Variants in DAB1 observed in about 807,000 individuals in gnomAD.
DAB1 encodes the protein DAB adaptor protein 1.
Under a neutral mutation model 64.6 loss-of-function variants are expected in DAB1, and 15 were observed. That is an observed-to-expected ratio of 0.23 (90% CI 0.16 to 0.36). The LOEUF (loss-of-function observed/expected upper bound fraction) is 0.36, where lower values mean the gene tolerates loss of function less well. DAB1 is among the 10% of genes least tolerant of loss of function. The pLI is 1.00. For missense variants in DAB1, 596 were observed against 706.7 expected, an observed-to-expected ratio of 0.84 and a Z score of 1.78; for synonymous variants, 235 against 251.9, an observed-to-expected ratio of 0.93 and a Z score of 0.64.
intron 3 of DAB1, among the ~76,000 whole-genome samples, chr1:58,427,249 G>A (rs1336199679): frequency 6.6e-6 from 1 of 152,032 alleles, no homozygotes; most frequent in Non-Finnish European, 1.5e-5. Context: ...GAAAGGTGGG[G>A]TACCTAAGAC....
At chr1:58,397,635 G>C (rs1644534253) in intron 3 of DAB1, among the ~76,000 whole-genome samples, 1 of 152,202 alleles carries the variant, frequency 6.6e-6, no homozygotes. Context: ...CATAGACACA[G>C]CTTGACTCAT....
intron 3 of DAB1, among the ~76,000 whole-genome samples, chr1:58,473,435 G>A (rs1011455216): frequency 6.6e-6 from 1 of 151,854 alleles, no homozygotes; most frequent in African/African-American, 2.4e-5. Context: ...CCAGCTACTC[G>A]GGAGGCTGAG....
At chr1:57,464,965 A>G (rs1686907702) in intron 7 of DAB1, among the ~76,000 whole-genome samples, 1 of 152,100 alleles carries the variant, frequency 6.6e-6, no homozygotes, top group African/African-American at 2.4e-5. Flanking sequence ...TCCTTTTTCA[A>G]AGCTCAGTTT....
intron 7 of DAB1, among the ~76,000 whole-genome samples, chr1:57,598,600 GA>G (rs1336480670): frequency 2.6e-5 from 4 of 152,188 alleles, no homozygotes; most frequent in African/African-American, 9.6e-5. Context: ...ATACAGAAAG[GA>G]AAAGACACCC....
chr1:57,822,133 A>G (rs1652149173), downstream of DAB1, among the ~76,000 whole-genome samples: 1 of 152,258 alleles, frequency 6.6e-6, no homozygotes, highest in African/African-American at 2.4e-5. Context: ...AATGTACACA[A>G]AACATATCAT....
chr1:57,184,577 C>G (rs1396378994), intron 2 of DAB1, among the ~76,000 whole-genome samples: 1 of 152,162 alleles, frequency 6.6e-6, no homozygotes, highest in African/African-American at 2.4e-5. Context: ...AAAATAAGAA[C>G]TGCTGGGCCA....
At chr1:57,397,909 C>T (rs1057170388) in intron 1 of DAB1, among the ~76,000 whole-genome samples, 32 of 152,182 alleles carry the variant, frequency 2.1e-4, no homozygotes, top group African/African-American at 7.5e-4. Context: ...TTAAATTTTA[C>T]CCTGTTTAAC....
intron 4 of DAB1, among the ~76,000 whole-genome samples, chr1:58,288,041 A>AAAAAAAAAAAAAAAAG (rs1557723010): frequency 6.9e-6 from 1 of 145,832 alleles, no homozygotes; most frequent in Non-Finnish European, 1.5e-5. Context: ...AAAAAAAAAA[A>AAAAAAAAAAAAAAAAG]AAAAGAAAAA....
chr1:57,487,852 G>T (rs534522753), intron 7 of DAB1, among the ~76,000 whole-genome samples: 1 of 152,106 alleles, frequency 6.6e-6, no homozygotes, highest in Non-Finnish European at 1.5e-5. Context: ...ACTTTTTAAC[G>T]CTGACTAATA....
At chr1:57,638,444 G>C (rs973960882) in intron 7 of DAB1, among the ~76,000 whole-genome samples, 3 of 152,158 alleles carry the variant, frequency 2.0e-5, no homozygotes, top group Non-Finnish European at 2.9e-5. Flanking sequence ...GCAATGGTGT[G>C]CAAGTCCCTG....
intron 6 of DAB1, among the ~76,000 whole-genome samples, chr1:57,763,529 A>G (rs1649175632): frequency 6.6e-6 from 1 of 152,092 alleles, no homozygotes; most frequent in African/African-American, 2.4e-5. Flanking sequence ...GGAAAAAAAA[A>G]TTAGCTGGGT....
chr1:57,747,246 A>G (rs1003224219), intron 6 of DAB1, among the ~76,000 whole-genome samples: 8 of 152,098 alleles, frequency 5.3e-5, no homozygotes, highest in African/African-American at 1.9e-4. Flanking sequence ...TCCTCACTCA[A>G]AAATGTTTTA....
At chr1:58,216,977 T>C (rs1363314537) in intron 4 of DAB1, among the ~76,000 whole-genome samples, 1 of 152,210 alleles carries the variant, frequency 6.6e-6, no homozygotes, top group Non-Finnish European at 1.5e-5. Context: ...CAAAGCGGGC[T>C]GAATTCATAT....
chr1:57,198,287 G>T (rs2100253664), intron 2 of DAB1, among the ~76,000 whole-genome samples: 1 of 152,110 alleles, frequency 6.6e-6, no homozygotes, highest in East Asian at 1.9e-4. Context: ...AGGCATGCAG[G>T]CTTAAAGGAA....
intron 5 of DAB1, among the ~76,000 whole-genome samples, chr1:58,083,847 C>T (rs1050994994): frequency 5.3e-5 from 8 of 152,124 alleles, no homozygotes; most frequent in East Asian, 1.9e-4. Flanking sequence ...TCCGGAGAAA[C>T]TCTGTTTGAG....
rs553293320 is a variant in DAB1 at position 57,558,807 on chromosome 1, G to A, written n.625+90785C>T. Among the ~76,000 whole-genome samples, 12 of 152,312 alleles carry A rather than the reference G, an allele frequency of 7.9e-5. No individual in the cohort carries two copies. The South Asian group carries it at 2.5e-3, about 32-fold the overall frequency. On this transcript the variant is annotated intron_variant and non_coding_transcript_variant, in intron 7 of 20. Transcript: ENST00000485760. ...CTGATCTCCCTTAGTTTAATGTAGA[G>A]AAAGGGATCCAAAGGCTTAGCGAGA...
At chr1:58,371,301 AC>A (rs1255852634) in intron 3 of DAB1, among the ~76,000 whole-genome samples, 2 of 152,190 alleles carry the variant, frequency 1.3e-5, no homozygotes, top group Non-Finnish European at 2.9e-5. Context: ...GATCTGTGGA[AC>A]TTTGAACTTG....
chr1:57,049,245 C>A (rs527280360), intron 9 of DAB1, among the ~76,000 whole-genome samples: 1 of 151,570 alleles, frequency 6.6e-6, no homozygotes, highest in Admixed American at 6.6e-5. Context: ...GTCAGGAGAT[C>A]GAGATCATCC....
intron 3 of DAB1, among the ~76,000 whole-genome samples, chr1:57,139,542 G>A (rs770192043): frequency 6.6e-6 from 1 of 152,160 alleles, no homozygotes; most frequent in Non-Finnish European, 1.5e-5. Flanking sequence ...CTGTCAAAGC[G>A]GAGGAGACTC....
Sources: allele counts gnomAD v4.1 joint callset (sites outside exome capture counted in the v4.1 genomes callset), GRCh38; gene constraint gnomAD v4.1.1; transcripts MANE v1.5; gene names NCBI Gene and HGNC (gene_info 2026-07-23, HGNC 2026-07-21).